Variants in APC observed in about 807,000 individuals in gnomAD.
APC encodes adenomatous polyposis coli protein.
APC carries 72 observed loss-of-function variants against 247.0 expected under a neutral mutation model. That is an observed-to-expected ratio of 0.29 (90% confidence interval 0.24 to 0.35). The LOEUF is 0.35. Ranked by LOEUF, APC falls within the 10% of genes least tolerant of loss-of-function variation. The pLI is 1.00. For synonymous variants in APC, 1,254 were observed against 1,162.5 expected (o/e 1.08, Z -1.60); for missense variants, 3,400 against 3,360.7 (o/e 1.01, Z -0.29).
At chr5:112,785,354 C>T (rs1038361776) in intron 6 of APC, among the ~76,000 whole-genome samples, 4 of 151,840 alleles carry the variant, frequency 2.6e-5, no homozygotes, top group African/African-American at 4.8e-5. Context: ...AAGATACATA[C>T]AAAAATCAGC....
At chr5:112,821,706 AT>A (rs1763145800) in intron 10 of APC, among the ~76,000 whole-genome samples, 189 bp from the exon 11 acceptor site, 1 of 152,164 alleles carries the variant, frequency 6.6e-6, no homozygotes, top group Non-Finnish European at 1.5e-5. Context: ...ATGGAAACAA[AT>A]CCCTTTATTC....
At chr5:112,761,122 T>A (rs983623506) in intron 2 of APC, among the ~76,000 whole-genome samples, 2 of 152,172 alleles carry the variant, frequency 1.3e-5, no homozygotes, top group Non-Finnish European at 2.9e-5. Flanking sequence ...CCCAATCCAT[T>A]TTTAGTTGCT....
intron 14 of APC, among the ~76,000 whole-genome samples, chr5:112,831,678 T>A (rs1470945605): frequency 6.6e-6 from 1 of 152,188 alleles, no homozygotes; most frequent in African/African-American, 2.4e-5. Flanking sequence ...AGCTTTCCTT[T>A]ACCAGCACTC....
At chr5:112,746,683 A>G (rs1034497673) in intron 1 of APC, among the ~76,000 whole-genome samples, 1 of 152,250 alleles carries the variant, frequency 6.6e-6, no homozygotes, top group Non-Finnish European at 1.5e-5. Flanking sequence ...ATGCCTAAAC[A>G]TGTTTAAAAA....
intron 6 of APC, among the ~76,000 whole-genome samples, chr5:112,783,454 A>T (rs1269616648): frequency 6.6e-6 from 1 of 152,050 alleles, no homozygotes; most frequent in Non-Finnish European, 1.5e-5. Context: ...TATATAAGAG[A>T]TTTAATATCC....
At chr5:112,768,026 A>T (rs1756556273) in intron 4 of APC, among the ~76,000 whole-genome samples, 1 of 151,084 alleles carries the variant, frequency 6.6e-6, no homozygotes, top group Non-Finnish European at 1.5e-5. Context: ...AGCCTGGGTG[A>T]CATAGTAAGA....
chr5:112,767,910 C>G (rs750064264), intron 4 of APC, among the ~76,000 whole-genome samples: 2 of 152,086 alleles, frequency 1.3e-5, no homozygotes, highest in African/African-American at 4.8e-5. Context: ...TATATTTATA[C>G]GTAGTTAAAA....
chr5:112,788,657 G>A (rs758887141), intron 6 of APC, among the ~76,000 whole-genome samples: 12 of 151,940 alleles, frequency 7.9e-5, no homozygotes, highest in Non-Finnish European at 1.5e-4. Context: ...CTTCAATAAG[G>A]TTTTGTCAAA....
chr5:112,842,831 A>G lies in APC; in HGVS notation c.7237A>G (p.Lys2413Glu), dbSNP rs767780960. ...GAATAATGGTAATGGAGCCAATAAA[A>G]AGGTAGAACTTTCTAGAATGTCTTC... The part of the protein sequence containing the change: ...QMNNGNGANK[K>E]VELSRMSSTK... The change falls in exon 16 of 16, where the codon AAG (lysine) becomes GAG (glutamate). Residue 2413 changes from lysine (K) to glutamate (E), a missense_variant. By Grantham distance (56) the Lys-to-Glu change is moderately conservative. This residue lies in a region of APC where 1,788 missense variants were observed against 1,649.5 expected (regional missense o/e 1.08). Transcript: ENST00000257430. The G allele has an allele frequency of 1.2e-6, 2 of 1,613,838 alleles. No individual in the cohort carries two copies. Among genetic ancestry groups the G allele is most frequent in the Non-Finnish European group, 1.7e-6 (2 of 1,179,816 alleles).
chr5:112,766,452 A>C, intron 3 of APC, 42 bp downstream of exon 3: 1 of 1,392,166 alleles, frequency 7.2e-7, no homozygotes, highest in Non-Finnish European at 1.0e-6. Context: ...TTTTAAGCTC[A>C]AATTGTCATC....
At chr5:112,772,170 A>T (rs1014145369) in intron 4 of APC, among the ~76,000 whole-genome samples, 6 of 152,196 alleles carry the variant, frequency 3.9e-5, no homozygotes, top group African/African-American at 1.4e-4. Flanking sequence ...AGAAGACATG[A>T]GATTTATGTG....
chr5:112,718,616 C>G (rs1209450603), intron 1 of APC, among the ~76,000 whole-genome samples: 6 of 152,230 alleles, frequency 3.9e-5, no homozygotes, highest in Non-Finnish European at 8.8e-5. Context: ...TCACAAAAGG[C>G]AAAAGCTGGG....
chr5:112,734,708 GT>G (rs1335070045), upstream of APC, among the ~76,000 whole-genome samples: 1 of 151,274 alleles, frequency 6.6e-6, no homozygotes, highest in East Asian at 1.9e-4. Flanking sequence ...CTTCTTGTCA[GT>G]TTTTTAAACC....
upstream of APC, chr5:112,737,739 G>A (rs1418901911): frequency 8.5e-6 from 6 of 708,026 alleles, no homozygotes; most frequent in East Asian, 1.3e-4. Context: ...CGGAGTGCGG[G>A]TCGGGAAGCG....
chr5:112,740,524 C>CTTTTTTTTTTTTTTT (rs11286305), intron 1 of APC, among the ~76,000 whole-genome samples: 2 of 99,136 alleles, frequency 2.0e-5, no homozygotes, highest in Non-Finnish European at 3.9e-5. Context: ...GTTTTTTTTT[C>CTTTTTTTTTTTTTTT]TTTTTTTTTT....
At chr5:112,824,331 A>G (rs1007830183) in intron 11 of APC, among the ~76,000 whole-genome samples, 1 of 152,208 alleles carries the variant, frequency 6.6e-6, no homozygotes, top group Admixed American at 6.5e-5. Flanking sequence ...TATTTTAGCA[A>G]ATCCATTTAT....
chr5:112,721,555 TAAG>T (rs1172325371), intron 1 of APC, among the ~76,000 whole-genome samples: 1 of 152,102 alleles, frequency 6.6e-6, no homozygotes, highest in African/African-American at 2.4e-5. Flanking sequence ...GTGAAGAAGT[TAAG>T]GAGCTAAGAA....
chr5:112,801,223 G>A (rs1580454176), intron 7 of APC, 56 bp from the exon 8 acceptor site: 2 of 1,452,600 alleles, frequency 1.4e-6, no homozygotes, highest in Non-Finnish European at 1.9e-6. Flanking sequence ...AAAAGCCTTG[G>A]GCTAAGAAAG....
intron 1 of APC, among the ~76,000 whole-genome samples, chr5:112,721,436 A>T (rs540758305): frequency 6.6e-6 from 1 of 152,202 alleles, no homozygotes; most frequent in African/African-American, 2.4e-5. Flanking sequence ...AAATAAAAAA[A>T]TAAAGACTGA....
Sources: allele counts gnomAD v4.1 joint callset (sites outside exome capture counted in the v4.1 genomes callset), GRCh38; gene constraint gnomAD v4.1.1; regional missense constraint gnomAD v4.1.1; transcripts MANE v1.5; gene names NCBI Gene and HGNC (gene_info 2026-07-23, HGNC 2026-07-21).